Variants in MICAL2 observed in about 807,000 individuals in gnomAD.
The protein encoded by MICAL2 is microtubule associated monooxygenase, calponin and LIM domain containing 2, also known as [F-actin]-monooxygenase MICAL2.
MICAL2 carries 77 observed loss-of-function variants against 127.3 expected under a neutral mutation model. That is an observed-to-expected ratio of 0.60 (90% CI 0.50 to 0.73). MICAL2 has a LOEUF of 0.73. Among genes scored for constraint, MICAL2 ranks in the 30% least tolerant of loss-of-function variants. The pLI, the probability that MICAL2 is intolerant of heterozygous loss-of-function variation, is 0.00. For missense variants in MICAL2, 1,351 were observed against 1,434.4 expected (o/e 0.94, Z 0.94); for synonymous variants, 570 against 551.1 (o/e 1.03, Z -0.48).
In MICAL2 at chr11:12,244,121, C is replaced by A. The variant is rs781774287; in HGVS notation, c.2784+9C>A. On this transcript the variant is annotated intron_variant, in intron 21 of 27. Coordinates refer to ENST00000683283, the MANE Select transcript of MICAL2 (RefSeq NM_001282663.2). ...CTTCTCCTGCCAGAAAGGTAGTTGT[C>A]CTGAACAATTTGCTTTCCCTATTCC... The A allele has an allele frequency of 6.2e-7, 1 of 1,614,192 alleles. No individual in the cohort carries two copies. The highest frequency in any genetic ancestry group is 1.3e-5 in the African/African-American group (1 of 75,064).
chr11:12,330,803 G>GAGAGAA (rs1292816951), intron 32 of MICAL2, among the ~76,000 whole-genome samples: 1 of 143,036 alleles, frequency 7.0e-6, no homozygotes, highest in East Asian at 2.0e-4. Flanking sequence ...GAGAGAGAGA[G>GAGAGAA]ACAGAGAGAG....
Position 12,262,743 on chromosome 11 carries a change from T to C in MICAL2, c.*17+206T>C, listed in dbSNP as rs1316004366. The C allele has an allele frequency of 6.2e-4, 344 of 554,918 alleles. 2 individuals are homozygous for C. Among genetic ancestry groups the C allele is most frequent in the Non-Finnish European group, 8.1e-5 (25 of 310,556 alleles). The allele number at this position is 554,918 out of a possible 1,614,324, so 34.4% of individuals were successfully genotyped here. On this transcript the variant is annotated intron_variant, in intron 27 of 27. Transcript: ENST00000683283. ...TGCCTGTGTTCATTTCCCATGGAGCTGGCAGCCTGGTCTACCCCAAGTGCA... is the reference window on the plus strand; with the variant it reads ...TGCCTGTGTTCATTTCCCATGGAGCCGGCAGCCTGGTCTACCCCAAGTGCA...
intron 2 of MICAL2, among the ~76,000 whole-genome samples, chr11:12,143,060 A>G (rs1359667962): frequency 1.3e-5 from 2 of 152,252 alleles, no homozygotes; most frequent in Non-Finnish European, 2.9e-5. Flanking sequence ...ACAGATGTAT[A>G]TGATGACAGT....
downstream of MICAL2, among the ~76,000 whole-genome samples, chr11:12,289,578 T>TTTTTC (rs1565294746): frequency 2.7e-5 from 4 of 147,832 alleles, no homozygotes; most frequent in African/African-American, 1.0e-4. Context: ...TTTTTTTTTT[T>TTTTTC]TTCTTCTTGA....
At chr11:12,256,507 C>T (rs1041383646) in intron 23 of MICAL2, 1 of 344,066 alleles carries the variant, frequency 2.9e-6, no homozygotes, top group Admixed American at 4.5e-5. Context: ...ACTCCCACCC[C>T]AAAACCAGAG....
chr11:12,126,305 T>C (rs544719038), intron 1 of MICAL2, among the ~76,000 whole-genome samples: 143 of 152,368 alleles, frequency 9.4e-4, no homozygotes, highest in Non-Finnish European at 1.8e-3. Flanking sequence ...TTGGAAGCTC[T>C]GAATCTCTGG....
chr11:12,290,114 C>T (rs1184609888), downstream of MICAL2, among the ~76,000 whole-genome samples: 1 of 152,184 alleles, frequency 6.6e-6, no homozygotes, highest in Non-Finnish European at 1.5e-5. Context: ...GTGCCCACCT[C>T]CCAAGCAGTG....
chr11:12,171,291 G>A (rs970065407), intron 3 of MICAL2, among the ~76,000 whole-genome samples: 6 of 152,186 alleles, frequency 3.9e-5, no homozygotes, highest in African/African-American at 1.4e-4. Context: ...GCCCTAGGGA[G>A]TCTCTGGCCA....
intron 24 of MICAL2, chr11:12,257,289 T>A (rs949821889): frequency 1.5e-5 from 4 of 275,392 alleles, no homozygotes; most frequent in Admixed American, 1.0e-4. Flanking sequence ...GCCAAGAAAA[T>A]CCAACCTGAT....
At chr11:12,204,188 G>A in intron 3 of MICAL2, 62 bp from the exon 4 acceptor site, 1 of 1,502,982 alleles carries the variant, frequency 6.7e-7, no homozygotes, top group Non-Finnish European at 9.2e-7. Flanking sequence ...CCTGCTGACT[G>A]GGGGTTCGTG....
intron 6 of MICAL2, among the ~76,000 whole-genome samples, chr11:12,210,569 C>T (rs17478717): frequency 0.31 from 46,935 of 152,106 alleles, 8,902 homozygotes; most frequent in Non-Finnish European, 0.43. Context: ...TCCATACCCA[C>T]CTCGCCAACC....
chr11:12,128,668 A>G (rs918815282), intron 1 of MICAL2, among the ~76,000 whole-genome samples: 1 of 152,194 alleles, frequency 6.6e-6, no homozygotes, highest in Non-Finnish European at 1.5e-5. Flanking sequence ...CCTTTCTTCA[A>G]TGACTCAGCC....
At chr11:12,340,348 C>CTT (rs1565310131) in intron 32 of MICAL2, among the ~76,000 whole-genome samples, 1 of 152,088 alleles carries the variant, frequency 6.6e-6, no homozygotes, top group Non-Finnish European at 1.5e-5. Context: ...CTATGGAAAA[C>CTT]TATTAAATTA....
chr11:12,140,517 G>A (rs562994059), intron 2 of MICAL2, among the ~76,000 whole-genome samples: 45 of 138,434 alleles, frequency 3.3e-4, no homozygotes, highest in African/African-American at 9.7e-4. Context: ...TTTTTTTTTG[G>A]CCACTCTCAA....
At chr11:12,346,396 A>G (rs1404228982) in intron 32 of MICAL2, among the ~76,000 whole-genome samples, 2 of 152,244 alleles carry the variant, frequency 1.3e-5, no homozygotes, top group East Asian at 3.8e-4. Flanking sequence ...GAAGTCTATG[A>G]TAATTGCTCA....
In MICAL2 at chr11:12,249,264, T is replaced by C. The variant is rs1395375420; in HGVS notation, c.2847+18T>C. Reference sequence around the variant, plus strand: ...ATCCTCAGGTGAGTTAGAGCCTCCCTGAACTTCAGCTGCCTCACCTGCAAA... The same window carrying C: ...ATCCTCAGGTGAGTTAGAGCCTCCCCGAACTTCAGCTGCCTCACCTGCAAA... On this transcript the variant is annotated intron_variant, in intron 22 of 27. Coordinates refer to ENST00000683283, the MANE Select transcript of MICAL2 (RefSeq NM_001282663.2). The C allele has an allele frequency of 1.2e-5, 17 of 1,444,946 alleles. No individual in the cohort carries two copies. The highest frequency in any genetic ancestry group is 1.6e-5 in the Non-Finnish European group (16 of 1,027,158). The allele number at this position is 1,444,946 out of a possible 1,614,324, so 89.5% of individuals were successfully genotyped here. A position where few individuals can be genotyped will look rare whatever the true frequency, so the allele number is the denominator to read the frequency against.
downstream of MICAL2, among the ~76,000 whole-genome samples, chr11:12,360,736 A>T (rs368548796): frequency 1.3e-5 from 2 of 152,330 alleles, no homozygotes; most frequent in South Asian, 4.1e-4. Context: ...CTGTTAATAG[A>T]TGAGAGAAGC....
At chr11:12,258,650 A>G in intron 25 of MICAL2, 94 bp downstream of exon 25, 1 of 1,096,724 alleles carries the variant, frequency 9.1e-7, no homozygotes, top group Non-Finnish European at 1.3e-6. Flanking sequence ...TGCTGGCCCT[A>G]GAGGGATTGA....
At chr11:12,330,784 G>A (rs937555574) in intron 32 of MICAL2, among the ~76,000 whole-genome samples, 6 of 101,342 alleles carry the variant, frequency 5.9e-5, no homozygotes, top group South Asian at 3.3e-4. Flanking sequence ...TTTGCAGGAC[G>A]TGGAGAGAGA....
Sources: gnomAD v4.1 joint callset for allele counts (sites outside exome capture counted in the v4.1 genomes callset) on GRCh38, gnomAD v4.1.1 for gene constraint, MANE v1.5 for transcripts, NCBI Gene and HGNC (gene_info 2026-07-23, HGNC 2026-07-21) for gene names.